Variants in MSI1 observed in about 807,000 individuals in gnomAD.
MSI1 encodes the protein musashi RNA binding protein 1, also known as RNA-binding protein Musashi homolog 1.
MSI1 carries 15 observed loss-of-function variants against 54.4 expected under a neutral mutation model. The ratio of observed to expected loss-of-function variants is 0.28; its 90% CI spans 0.18 to 0.42. The LOEUF (loss-of-function observed/expected upper bound fraction) is 0.42. MSI1 is among the 20% of genes least tolerant of loss of function. The pLI, the probability that MSI1 is intolerant of heterozygous loss-of-function variation, is 1.00. For missense variants in MSI1, 304 were observed against 506.0 expected (o/e 0.60, Z 3.83); for synonymous variants, 200 against 196.5 (o/e 1.02, Z -0.15).
rs77310350 is a variant in MSI1, at chr12:120,346,713, T to C, written c.860-391A>G. On this transcript the variant is annotated intron_variant, in intron 12 of 14. Transcript: ENST00000257552. The stretch of plus-strand genomic sequence containing the variant: ...ACCCACTGGCCTCCAAGCCTTTGCA[T>C]ATGCTATTCCCTCAACCAGAAACAC... Among the ~76,000 whole-genome samples, 1,362 of 152,280 alleles carry C rather than the reference T, an allele frequency of 8.9e-3. 20 individuals carry two copies. Among genetic ancestry groups the C allele is most frequent in the African/African-American group, 0.031 (1,280 of 41,562 alleles).
At chr12:120,340,886 C>CTTTTT (rs34926125), downstream of MSI1, among the ~76,000 whole-genome samples, 2 of 119,452 alleles carry the variant, frequency 1.7e-5, no homozygotes, top group Non-Finnish European at 3.4e-5. Flanking sequence ...TTCTCCTATT[C>CTTTTT]TTTTTTTTTT....
chr12:120,350,183 C>T (rs1444694208), intron 11 of MSI1, among the ~76,000 whole-genome samples: 1 of 152,114 alleles, frequency 6.6e-6, no homozygotes, highest in Non-Finnish European at 1.5e-5. Flanking sequence ...CACCACCACA[C>T]CTGGCTAGTT....
At chr12:120,350,228 T>A (rs981884146) in intron 11 of MSI1, among the ~76,000 whole-genome samples, 11 of 152,192 alleles carry the variant, frequency 7.2e-5, no homozygotes, top group African/African-American at 2.7e-4. Context: ...GGTTTCACCA[T>A]GTTGCCCAGG....
At chr12:120,339,813 C>G (rs1420525413), downstream of MSI1, among the ~76,000 whole-genome samples, 1 of 151,174 alleles carries the variant, frequency 6.6e-6, no homozygotes, top group Non-Finnish European at 1.5e-5. Flanking sequence ...GGGTCTTGCT[C>G]TGTCACCCAG....
intron 7 of MSI1, among the ~76,000 whole-genome samples, chr12:120,358,752 G>A (rs984446485): frequency 2.5e-4 from 38 of 151,604 alleles, no homozygotes; most frequent in East Asian, 1.9e-4. Flanking sequence ...ACTAGGGTGG[G>A]GGTAGGAGAC....
chr12:120,351,153 A>G (rs1036002163), intron 11 of MSI1, among the ~76,000 whole-genome samples, 191 bp downstream of exon 11: 8 of 151,946 alleles, frequency 5.3e-5, no homozygotes, highest in Admixed American at 3.9e-4. Context: ...GCTTGGCCCT[A>G]TGCCCCACCC....
At position 120,368,233 on chromosome 12, in the gene MSI1, C is replaced by T. The variant is rs376421673; in HGVS notation, c.141G>A (p.Lys47=). The T allele has an allele frequency of 4.5e-5, 71 of 1,588,840 alleles. No homozygotes were observed. The highest frequency in any genetic ancestry group is 1.0e-5 in the Non-Finnish European group (12 of 1,167,004). ...GGGGGTCCCGCATCACCAGACACTCCTTCACCTCCCCGAACTGGCCGAAGT... is the reference window on the plus strand; with the variant it reads ...GGGGGTCCCGCATCACCAGACACTCTTTCACCTCCCCGAACTGGCCGAAGT... ...REYFGQFGEV[K]ECLVMRDPLT... Residue 47 remains lysine, a synonymous_variant, in exon 3 of 15, where the codon AAG becomes AAA. Coordinates refer to ENST00000257552, the MANE Select transcript of MSI1 (RefSeq NM_002442.4). The surrounding 1 kb of genome is among the most constrained non-coding windows in gnomAD (Gnocchi z 6.6).
chr12:120,346,282 A>G lies in MSI1; in HGVS notation c.900T>C (p.Thr300=), dbSNP rs1484259365. The G allele has an allele frequency of 1.3e-6, 2 of 1,585,290 alleles. No individual in the cohort carries two copies. The highest frequency in any genetic ancestry group is 1.7e-6 in the Non-Finnish European group (2 of 1,167,052). Residue 300 remains threonine, a synonymous_variant, in exon 13 of 15, where the codon ACT becomes ACC. Transcript: ENST00000257552. ...CCAGGAAGCCCCCTGTGCGGCTGGG[A>G]GTCGAACCTGGAGGGGGAGCCATCG... is the stretch of plus-strand genomic sequence containing the variant. ...PWTMAPPPGS[T]PSRTGGFLGT...
chr12:120,354,542 C>A (rs1460308919), intron 9 of MSI1, among the ~76,000 whole-genome samples: 1 of 152,168 alleles, frequency 6.6e-6, no homozygotes, highest in African/African-American at 2.4e-5. Flanking sequence ...AGCAATTCTC[C>A]TGCCTAAGCC....
chr12:120,362,166 C>A (rs375282017), intron 6 of MSI1, among the ~76,000 whole-genome samples: 178 of 152,114 alleles, frequency 1.2e-3, no homozygotes, highest in South Asian at 1.0e-3. Flanking sequence ...CCTCCCCCCC[C>A]CACACAATCC....
chr12:120,347,661 C>T, intron 11 of MSI1, 147 bp from the exon 12 acceptor site: 1 of 877,488 alleles, frequency 1.1e-6, no homozygotes, highest in Non-Finnish European at 1.8e-6. Flanking sequence ...GAAAAGGCTA[C>T]CTTGGGCCAC....
intron 13 of MSI1, among the ~76,000 whole-genome samples, chr12:120,345,928 C>T (rs981449755): frequency 6.6e-6 from 1 of 152,188 alleles, no homozygotes; most frequent in Non-Finnish European, 1.5e-5. Context: ...CACCTAGAGC[C>T]CACTATGCCT....
At chr12:120,345,757 C>A in intron 13 of MSI1, 125 bp from the exon 14 acceptor site, 2 of 1,195,310 alleles carry the variant, frequency 1.7e-6, no homozygotes, top group Non-Finnish European at 2.5e-6. Flanking sequence ...GATCGCCCCC[C>A]TACTGCAGGT....
At chr12:120,346,055 G>T in intron 13 of MSI1, 80 bp downstream of exon 13, 1 of 1,272,018 alleles carries the variant, frequency 7.9e-7, no homozygotes, top group South Asian at 1.6e-5. Context: ...CAGAGACAAA[G>T]AAGTTCTCTC....
At chr12:120,351,201 A>G in intron 11 of MSI1, 143 bp downstream of exon 11, 2 of 832,942 alleles carry the variant, frequency 2.4e-6, no homozygotes, top group East Asian at 5.4e-5. Flanking sequence ...GCCAGTGCCC[A>G]GGCACAGTCT....
chr12:120,346,093 G>A (rs1399739426), intron 13 of MSI1, 42 bp downstream of exon 13: 2 of 1,472,384 alleles, frequency 1.4e-6, no homozygotes, highest in Non-Finnish European at 1.8e-6. Context: ...GTCTCTCAAG[G>A]TGTGGGGGGT....
At chr12:120,349,879 A>C (rs573557024) in intron 11 of MSI1, among the ~76,000 whole-genome samples, 1 of 152,240 alleles carries the variant, frequency 6.6e-6, no homozygotes, top group Non-Finnish European at 1.5e-5. Context: ...CAGAGGAGCC[A>C]ACCCCAGCAT....
intron 10 of MSI1, among the ~76,000 whole-genome samples, chr12:120,351,796 C>A (rs1451395833): frequency 6.6e-6 from 1 of 150,864 alleles, no homozygotes; most frequent in Non-Finnish European, 1.5e-5. Context: ...GCAAGCTCCG[C>A]CTTCCGGGTT....
downstream of MSI1, among the ~76,000 whole-genome samples, chr12:120,339,720 C>T (rs1371693239): frequency 1.3e-5 from 2 of 151,986 alleles, no homozygotes; most frequent in African/African-American, 2.4e-5. Context: ...AAGGCAACAT[C>T]CTTATCTTCG....
Sources: gnomAD v4.1 joint callset for allele counts (sites outside exome capture counted in the v4.1 genomes callset) on GRCh38, gnomAD v4.1.1 for gene constraint, Gnocchi (gnomAD v3.1) non-coding constraint, MANE v1.5 for transcripts, NCBI Gene and HGNC (gene_info 2026-07-23, HGNC 2026-07-21) for gene names.